The following ADAMTS20 variants were observed in gnomAD, a reference collection of about 807,000 sequenced individuals.
ADAMTS20 encodes ADAM metallopeptidase with thrombospondin type 1 motif 20.
A neutral mutation model predicts 260.1 loss-of-function variants in ADAMTS20; 225 were observed. The observed-to-expected ratio is 0.87, with a 90% confidence interval of 0.78 to 0.97. The LOEUF (loss-of-function observed/expected upper bound fraction) is 0.97. ADAMTS20 is among the 50% of genes least tolerant of loss of function. The pLI, the probability that ADAMTS20 is intolerant of heterozygous loss-of-function variation, is 0.00. For missense variants in ADAMTS20, 2,400 were observed against 2,337.7 expected, an observed-to-expected ratio of 1.03 and a Z score of -0.55; for synonymous variants, 802 against 769.5, an observed-to-expected ratio of 1.04 and a Z score of -0.70.
chr12:43,436,143 A>C (rs1233398719), intron 18 of ADAMTS20, among the ~76,000 whole-genome samples: 1 of 152,216 alleles, frequency 6.6e-6, no homozygotes, highest in Non-Finnish European at 1.5e-5. Context: ...AGTAGATGGA[A>C]ATAACTATTT....
Position 43,464,631 on chromosome 12 carries a change from TC to T in ADAMTS20, c.1468del (p.Glu490SerfsTer14). On this transcript the variant is annotated frameshift_variant, in exon 10 of 39. Coordinates refer to ENST00000389420, the MANE Select transcript of ADAMTS20 (RefSeq NM_025003.5). LOFTEE classifies it high-confidence loss of function. Reference protein sequence around the residue: ...GSRYDGNKQCELAFGPGSQMC... With the variant: ...GSRYDGNKQCXLAFGPGSQMC... ...TTGTGACCCAGGACCAAACGCAAGC[TC>T]ACACTGCTTGTTTCCATCATATCGT... 6.2e-7 allele frequency: 1 copy of T among 1,613,436 alleles called. No homozygotes were observed. Among genetic ancestry groups the T allele is most frequent in the Non-Finnish European group, 8.5e-7 (1 of 1,179,474 alleles).
chr12:43,476,037 T>C (rs1481061787), intron 7 of ADAMTS20, among the ~76,000 whole-genome samples: 1 of 128,296 alleles, frequency 7.8e-6, no homozygotes, highest in Non-Finnish European at 1.6e-5. Context: ...CAAAAGAAAC[T>C]ACCATCAGAG....
At chr12:43,423,319 G>T (rs924715313) in intron 28 of ADAMTS20, 1 of 167,296 alleles carries the variant, frequency 6.0e-6, no homozygotes, top group African/African-American at 2.4e-5. Flanking sequence ...CAACAGGCCA[G>T]ATTTGGTACC....
intron 3 of ADAMTS20, among the ~76,000 whole-genome samples, chr12:43,516,608 T>A (rs1426625393): frequency 1.3e-5 from 2 of 152,158 alleles, no homozygotes; most frequent in African/African-American, 4.8e-5. Flanking sequence ...GGTGAGTAAA[T>A]CTAAATGAGT....
chr12:43,398,396 C>T (rs980545725), intron 29 of ADAMTS20, among the ~76,000 whole-genome samples: 2 of 152,224 alleles, frequency 1.3e-5, no homozygotes, highest in South Asian at 4.1e-4. Flanking sequence ...CAGCCAGGGT[C>T]TCATTTATTT....
At chr12:43,358,469 A>T (rs1177651187) in intron 37 of ADAMTS20, among the ~76,000 whole-genome samples, 1 of 152,236 alleles carries the variant, frequency 6.6e-6, no homozygotes, top group African/African-American at 2.4e-5. Flanking sequence ...TGACTGGCAG[A>T]CATGGTGTCA....
intron 9 of ADAMTS20, 37 bp downstream of exon 9, chr12:43,466,615 G>A (rs549930122): frequency 8.4e-6 from 13 of 1,555,030 alleles, no homozygotes; most frequent in East Asian, 4.5e-5. Flanking sequence ...TCTTATAATC[G>A]AATACATGTT....
intron 29 of ADAMTS20, among the ~76,000 whole-genome samples, chr12:43,397,837 T>C (rs1266852455): frequency 1.3e-5 from 2 of 152,174 alleles, no homozygotes; most frequent in Non-Finnish European, 2.9e-5. Context: ...ACATTAACAC[T>C]TGACAGAGGC....
At chr12:43,357,958 T>A (rs779848306) in intron 37 of ADAMTS20, among the ~76,000 whole-genome samples, 5 of 152,258 alleles carry the variant, frequency 3.3e-5, no homozygotes, top group Non-Finnish European at 7.3e-5. Flanking sequence ...TATATTATTC[T>A]ATTTGATACT....
intron 14 of ADAMTS20, among the ~76,000 whole-genome samples, chr12:43,451,771 G>T (rs1435831403): frequency 6.6e-6 from 1 of 151,970 alleles, no homozygotes; most frequent in Non-Finnish European, 1.5e-5. Flanking sequence ...GGGGTTCTCT[G>T]CTCCAGTCTT....
At chr12:43,417,541 G>A (rs767984262) in intron 28 of ADAMTS20, among the ~76,000 whole-genome samples, 6 of 152,088 alleles carry the variant, frequency 3.9e-5, no homozygotes, top group Non-Finnish European at 5.9e-5. Context: ...ACCAGGAAGC[G>A]GTCAATGGTG....
At chr12:43,463,240 A>G (rs895452316) in intron 10 of ADAMTS20, among the ~76,000 whole-genome samples, 5 of 152,222 alleles carry the variant, frequency 3.3e-5, no homozygotes, top group African/African-American at 1.2e-4. Flanking sequence ...AATAGGAGTT[A>G]TGAATTGGAG....
chr12:43,501,460 TACGCGC>T (rs1181499611), intron 4 of ADAMTS20, among the ~76,000 whole-genome samples: 4 of 92,160 alleles, frequency 4.3e-5, no homozygotes, highest in South Asian at 3.4e-4. Flanking sequence ...TGGAGGGGGA[TACGCGC>T]GCGCGCGCGC....
intron 3 of ADAMTS20, among the ~76,000 whole-genome samples, chr12:43,507,795 G>GAATTCTAT (rs1242185946): frequency 2.6e-5 from 4 of 152,146 alleles, no homozygotes; most frequent in Non-Finnish European, 4.4e-5. Flanking sequence ...ATACACCATG[G>GAATTCTAT]AATTCTATGC....
intron 8 of ADAMTS20, 69 bp downstream of exon 8, chr12:43,468,531 A>G: frequency 1.0e-6 from 1 of 970,258 alleles, no homozygotes; most frequent in Non-Finnish European, 1.6e-6. Context: ...TCAACTGAAG[A>G]TAGAATTTCA....
rs1380253165 is a variant in ADAMTS20, at chr12:43,551,643, A to C, written c.91+188T>G. 6.6e-6 allele frequency among the ~76,000 whole-genome samples: 1 copy of C among 152,054 alleles called. No individual in the cohort carries two copies. The highest frequency in any genetic ancestry group is 2.4e-5 in the African/African-American group (1 of 41,412). On this transcript the variant is annotated intron_variant, in intron 1 of 38. Transcript: ENST00000389420. The surrounding 1 kb of genome is among the most constrained non-coding windows in gnomAD (Gnocchi z 4.6). The stretch of plus-strand genomic sequence containing the variant: ...TGGTCCTGGGAGTGCGATGCGTCTT[A>C]GGCGCGCGCGATTCCTCGAAACCCG...
At chr12:43,455,867 A>C (rs7314217) in intron 11 of ADAMTS20, among the ~76,000 whole-genome samples, 118,090 of 152,008 alleles carry the variant, frequency 0.78, 47,008 homozygotes, top group East Asian at 1. Context: ...CGCCACCACA[A>C]CCCGCTAATT....
intron 18 of ADAMTS20, among the ~76,000 whole-genome samples, chr12:43,437,440 A>C (rs554307660): frequency 2.6e-4 from 39 of 152,302 alleles, no homozygotes; most frequent in African/African-American, 9.4e-4. Context: ...AAAAACAACC[A>C]AATCAAGGCA....
chr12:43,388,246 C>T (rs1462732172), intron 29 of ADAMTS20, among the ~76,000 whole-genome samples: 1 of 152,170 alleles, frequency 6.6e-6, no homozygotes, highest in East Asian at 1.9e-4. Flanking sequence ...TCCCTCAAGG[C>T]ACAGTCCCTC....
Sources: gnomAD v4.1 joint callset for allele counts (sites outside exome capture counted in the v4.1 genomes callset) on GRCh38, gnomAD v4.1.1 for gene constraint, Gnocchi (gnomAD v3.1) non-coding constraint, MANE v1.5 for transcripts, NCBI Gene and HGNC (gene_info 2026-07-23, HGNC 2026-07-21) for gene names.